The following DRICH1 variants were observed in gnomAD, a reference collection of about 807,000 sequenced individuals.
DRICH1 encodes aspartate-rich protein 1.
DRICH1 carries 38 observed loss-of-function variants against 39.5 expected under a neutral mutation model. The ratio of observed to expected loss-of-function variants is 0.96; its 90% CI spans 0.74 to 1.26. The LOEUF (loss-of-function observed/expected upper bound fraction) is 1.26, where lower values mean the gene tolerates loss of function less well. Among genes scored for constraint, DRICH1 ranks in the 50% most tolerant of loss-of-function variants. DRICH1 has a pLI of 0.00. For synonymous variants in DRICH1, 84 were observed against 99.5 expected, an observed-to-expected ratio of 0.84 and a Z score of 0.93; for missense variants, 279 against 270.4, an observed-to-expected ratio of 1.03 and a Z score of -0.22.
chr22:23,626,489 T>G (rs1928071275), intron 1 of DRICH1, among the ~76,000 whole-genome samples: 1 of 152,190 alleles, frequency 6.6e-6, no homozygotes, highest in Admixed American at 6.5e-5. Context: ...TGGTTCTGAC[T>G]TCATTGCCCT....
intron 8 of DRICH1, among the ~76,000 whole-genome samples, chr22:23,615,107 C>T (rs534120429): frequency 6.6e-5 from 10 of 152,294 alleles, no homozygotes; most frequent in African/African-American, 2.2e-4. Flanking sequence ...AGCACTCTGG[C>T]TCAGACCTGT....
intron 9 of DRICH1, among the ~76,000 whole-genome samples, chr22:23,613,878 C>T (rs1213077606): frequency 1.3e-5 from 2 of 152,164 alleles, no homozygotes; most frequent in African/African-American, 2.4e-5. Flanking sequence ...ATGCACAATG[C>T]TTAATTCAAG....
intron 5 of DRICH1, 84 bp from the exon 6 acceptor site, chr22:23,619,477 A>G: frequency 1.3e-6 from 1 of 757,336 alleles, no homozygotes; most frequent in Non-Finnish European, 2.5e-6. Context: ...GAAAAAGAAC[A>G]GTGTTGGAGG....
the DRICH1 span, among the ~76,000 whole-genome samples, chr22:23,595,979 C>T: frequency 2.6e-4 from 39 of 152,336 alleles, no homozygotes; most frequent in South Asian, 7.9e-3. Flanking sequence ...TGCATTCCCG[C>T]TCCAAATGTC....
Position 23,608,789 on chromosome 22 carries a change from T to C in DRICH1, c.686-21A>G, listed in dbSNP as rs376018525. ...TCACCCTGGATGAAGAGATAATCCC[T>C]TTTTAGTGAGAGCAGGCTCCCAGCT... On this transcript the variant is annotated intron_variant, in intron 11 of 11. Coordinates refer to ENST00000317749, the MANE Select transcript of DRICH1 (RefSeq NM_016449.4). The C allele has an allele frequency of 3.0e-5, 47 of 1,558,028 alleles. No homozygotes were observed. The African/African-American group carries it at 4.7e-4, about 16-fold the overall frequency.
chr22:23,614,682 T>C (rs75846587), intron 8 of DRICH1, among the ~76,000 whole-genome samples: 144 of 152,346 alleles, frequency 9.5e-4, no homozygotes, highest in African/African-American at 3.4e-3. Flanking sequence ...ACCCAAATTA[T>C]TCTATTAATG....
the DRICH1 span, among the ~76,000 whole-genome samples, chr22:23,591,271 T>C: frequency 6.6e-6 from 1 of 152,140 alleles, no homozygotes; most frequent in Non-Finnish European, 1.5e-5. Context: ...CCAGTTCAGC[T>C]TGGGCCAGTC....
rs958055880 is a variant in DRICH1 at position 23,616,926 on chromosome 22, C to A, written c.520-52G>T. 3.1e-6 allele frequency: 5 copies of A among 1,597,574 alleles called. No homozygotes were observed. In the Admixed American group the frequency reaches 8.4e-5, roughly 27 times the overall value. On this transcript the variant is annotated intron_variant, in intron 7 of 11. Coordinates refer to ENST00000317749, the MANE Select transcript of DRICH1 (RefSeq NM_016449.4). ...TAAGGATCAGATCAATTCTGCCACACCCCTTACACAGATCTGTTAGTCTCT... is the reference window on the plus strand; with the variant it reads ...TAAGGATCAGATCAATTCTGCCACAACCCTTACACAGATCTGTTAGTCTCT...
At chr22:23,590,857 G>A in the DRICH1 span, among the ~76,000 whole-genome samples, 3 of 151,628 alleles carry the variant, frequency 2.0e-5, no homozygotes. Flanking sequence ...GACCTAAAGG[G>A]ATCCGCTCAC....
chr22:23,622,295 TGC>T (rs199693867), intron 3 of DRICH1, 119 bp from the exon 4 acceptor site: 10,432 of 892,356 alleles, frequency 0.012, 340 homozygotes, highest in East Asian at 0.089. Flanking sequence ...ACTGAGTTAA[TGC>T]TGGGCTATTC....
At chr22:23,594,306 C>A in the DRICH1 span, among the ~76,000 whole-genome samples, 1 of 152,160 alleles carries the variant, frequency 6.6e-6, no homozygotes, top group African/African-American at 2.4e-5. Flanking sequence ...TGGTGGCTCA[C>A]GCCTGTAATC....
upstream of DRICH1, among the ~76,000 whole-genome samples, chr22:23,632,536 T>G (rs1350037133): frequency 1.3e-5 from 2 of 152,190 alleles, no homozygotes; most frequent in African/African-American, 2.4e-5. Flanking sequence ...CACCCTATGC[T>G]GCCTGAGCTT....
At chr22:23,609,468 G>C (rs1926915511) in intron 11 of DRICH1, among the ~76,000 whole-genome samples, 1 of 152,180 alleles carries the variant, frequency 6.6e-6, no homozygotes, top group African/African-American at 2.4e-5. Context: ...AGGGAGCCTG[G>C]AGCCCTGCAT....
At chr22:23,617,713 T>C in intron 6 of DRICH1, 56 bp from the exon 7 acceptor site, 1 of 1,541,512 alleles carries the variant, frequency 6.5e-7, no homozygotes. Flanking sequence ...TGTGAGTCAC[T>C]CAGGGAGCTT....
chr22:23,611,978 C>T (rs901711118), intron 11 of DRICH1, among the ~76,000 whole-genome samples: 4 of 152,138 alleles, frequency 2.6e-5, no homozygotes, highest in Admixed American at 1.3e-4. Flanking sequence ...TTTGGAGAAA[C>T]GGCTACTCAC....
chr22:23,622,873 A>C (rs1927842247), intron 3 of DRICH1, among the ~76,000 whole-genome samples: 1 of 152,238 alleles, frequency 6.6e-6, no homozygotes, highest in Non-Finnish European at 1.5e-5. Context: ...AAGCTCACAC[A>C]GCCTGCTCTA....
chr22:23,612,399 G>A (rs574057788), intron 11 of DRICH1, among the ~76,000 whole-genome samples: 41 of 149,826 alleles, frequency 2.7e-4, no homozygotes, highest in Admixed American at 8.0e-4. Flanking sequence ...CCCGGGAGGC[G>A]GAGCTTGCAG....
chr22:23,582,828 T>C, the DRICH1 span, among the ~76,000 whole-genome samples: 2 of 152,040 alleles, frequency 1.3e-5, no homozygotes. Context: ...CCCAAAGAGC[T>C]GGGATTACAG....
intron 11 of DRICH1, among the ~76,000 whole-genome samples, chr22:23,611,662 A>G (rs769494925): frequency 1.3e-5 from 2 of 152,164 alleles, no homozygotes; most frequent in Non-Finnish European, 2.9e-5. Flanking sequence ...TATTAACTAC[A>G]GCCATATGTA....
Sources: gnomAD v4.1 joint callset for allele counts (sites outside exome capture counted in the v4.1 genomes callset) on GRCh38, gnomAD v4.1.1 for gene constraint, MANE v1.5 for transcripts, NCBI Gene and HGNC (gene_info 2026-07-23, HGNC 2026-07-21) for gene names.